PSEN1: variants seen among roughly 807,000 people sequenced by gnomAD.
The protein encoded by PSEN1 is presenilin-1.
In PSEN1, 15 loss-of-function variants were observed where a neutral mutation model predicts 53.5. The observed-to-expected ratio is 0.28, with a 90% CI of 0.19 to 0.43. PSEN1 has a LOEUF of 0.43. PSEN1 is among the 20% of genes least tolerant of loss of function. The probability of loss-of-function intolerance (pLI) is 1.00; values close to 1 mark genes in which losing one functional copy is unlikely to be tolerated. For synonymous variants in PSEN1, 208 were observed against 209.8 expected (o/e 0.99, Z 0.08); for missense variants, 387 against 571.2 (o/e 0.68, Z 3.29).
intron 7 of PSEN1, 65 bp from the exon 8 acceptor site, chr14:73,197,966 A>C: frequency 1.1e-6 from 1 of 877,132 alleles, no homozygotes; most frequent in East Asian, 2.4e-5. Context: ...ATTCCTCCCT[A>C]CCACCCATTT....
intron 8 of PSEN1, among the ~76,000 whole-genome samples, chr14:73,205,202 C>T (rs1225930426): frequency 2.0e-5 from 3 of 151,234 alleles, no homozygotes; most frequent in Non-Finnish European, 4.4e-5. Context: ...CCAGGCCGGG[C>T]GTGGTGGCTC....
intron 1 of PSEN1, among the ~76,000 whole-genome samples, chr14:73,144,188 A>C (rs937678999): frequency 5.3e-5 from 8 of 151,682 alleles, no homozygotes; most frequent in African/African-American, 1.7e-4. Context: ...CTACAGGTGC[A>C]CGTCACCATG....
At chr14:73,143,861 C>A (rs1896992668) in intron 1 of PSEN1, among the ~76,000 whole-genome samples, 2 of 151,780 alleles carry the variant, frequency 1.3e-5, no homozygotes, top group South Asian at 4.2e-4. Flanking sequence ...AAACTAGCCA[C>A]CCATGTAGTC....
At position 73,219,333 on chromosome 14, in the gene PSEN1, T is replaced by C. The variant is rs1376543898; in HGVS notation, c.*44T>C. 2 of 1,571,932 alleles carry C rather than the reference T, an allele frequency of 1.3e-6. No homozygotes were observed. The highest frequency in any genetic ancestry group is 1.7e-6 in the Non-Finnish European group (2 of 1,143,830). ...CCCATGGATGTTTCTTCTTTGACTA[T>C]AACAAAATCTGGGGAGGACAAAGGT... On this transcript the variant is annotated 3_prime_UTR_variant, in exon 12 of 12. Transcript: ENST00000324501.
At position 73,136,558 on chromosome 14, in the gene PSEN1, G is replaced by C. The variant is rs879353108; in HGVS notation, c.-161G>C. 1 of 153,080 alleles carries C rather than the reference G, an allele frequency of 6.5e-6. No individual in the cohort carries two copies. Among genetic ancestry groups the C allele is most frequent in the Non-Finnish European group, 1.5e-5 (1 of 68,376 alleles). The allele number at this position is 153,080 out of a possible 1,614,324, so 9.5% of individuals were successfully genotyped here. A position where few individuals can be genotyped will look rare whatever the true frequency, so the allele number is the denominator to read the frequency against. On this transcript the variant is annotated 5_prime_UTR_variant, in exon 1 of 12. Coordinates refer to ENST00000324501, the MANE Select transcript of PSEN1 (RefSeq NM_000021.4). Reference sequence around the variant, plus strand: ...AGGAACCTGAGCTACGAGCCGCGGCGGCAGCGGGGCGGCGGGGAAGCGTAT... The same window carrying C: ...AGGAACCTGAGCTACGAGCCGCGGCCGCAGCGGGGCGGCGGGGAAGCGTAT...
At chr14:73,156,235 A>G (rs1897350654) in intron 3 of PSEN1, among the ~76,000 whole-genome samples, 1 of 152,054 alleles carries the variant, frequency 6.6e-6, no homozygotes, top group African/African-American at 2.4e-5. Flanking sequence ...ATGTGCCTAT[A>G]GTCCCAGGTA....
intron 7 of PSEN1, among the ~76,000 whole-genome samples, chr14:73,194,472 G>A (rs1336603731): frequency 2.6e-5 from 4 of 151,630 alleles, no homozygotes; most frequent in Non-Finnish European, 5.9e-5. Flanking sequence ...TGTTTCCCAG[G>A]CTTGTCCGGA....
At chr14:73,185,587 AAGAGAGGGAGAGGGAGACCGTGGGGAG>A (rs1276849961) in intron 5 of PSEN1, among the ~76,000 whole-genome samples, 6 of 151,820 alleles carry the variant, frequency 4.0e-5, no homozygotes, top group African/African-American at 1.2e-4. Flanking sequence ...AGACCGTGGA[AAGAGAGGGAGAGGGAGACCGTGGGGAG>A]AGAGAGGGAG....
intron 3 of PSEN1, among the ~76,000 whole-genome samples, chr14:73,154,525 T>C (rs1410796175): frequency 6.6e-6 from 1 of 151,898 alleles, no homozygotes; most frequent in African/African-American, 2.4e-5. Context: ...TGCTTGAGAC[T>C]AGGAGGTCGA....
At chr14:73,181,072 C>T (rs1305246844) in intron 5 of PSEN1, among the ~76,000 whole-genome samples, 1 of 152,176 alleles carries the variant, frequency 6.6e-6, no homozygotes, top group African/African-American at 2.4e-5. Flanking sequence ...GAAAACAATA[C>T]AGATTCCATG....
chr14:73,138,087 G>A (rs1896799246), intron 1 of PSEN1: 1 of 151,204 alleles, frequency 6.6e-6, no homozygotes, highest in Non-Finnish European at 1.5e-5. Flanking sequence ...AAAAAAACCT[G>A]TTTTGTTTTT....
intron 1 of PSEN1, among the ~76,000 whole-genome samples, chr14:73,140,949 T>G (rs1896908881): frequency 1.3e-5 from 2 of 152,202 alleles, no homozygotes; most frequent in South Asian, 2.1e-4. Flanking sequence ...AGTTCTTATT[T>G]GTATGCCTTA....
intron 7 of PSEN1, among the ~76,000 whole-genome samples, chr14:73,193,948 C>T (rs1725530262): frequency 6.6e-6 from 1 of 152,088 alleles, no homozygotes; most frequent in South Asian, 2.1e-4. Context: ...TGAGCCACTG[C>T]ATCTGGCCTC....
intron 10 of PSEN1, among the ~76,000 whole-genome samples, chr14:73,213,416 A>G (rs1440900876): frequency 6.6e-6 from 1 of 152,206 alleles, no homozygotes; most frequent in African/African-American, 2.4e-5. Context: ...ACTTTTAAAA[A>G]AAAAAAAGTG....
At chr14:73,181,732 G>A (rs1029099388) in intron 5 of PSEN1, among the ~76,000 whole-genome samples, 1 of 152,154 alleles carries the variant, frequency 6.6e-6, no homozygotes, top group Non-Finnish European at 1.5e-5. Flanking sequence ...ACGCCTATAC[G>A]TGCAGATAGA....
chr14:73,214,306 G>A (rs776652612), intron 10 of PSEN1, among the ~76,000 whole-genome samples: 6 of 152,032 alleles, frequency 3.9e-5, no homozygotes, highest in African/African-American at 7.3e-5. Flanking sequence ...CAAGGCAGGC[G>A]GACCACCTGA....
chr14:73,199,628 A>G (rs1173739694), intron 8 of PSEN1, among the ~76,000 whole-genome samples: 4 of 152,220 alleles, frequency 2.6e-5, no homozygotes, highest in African/African-American at 9.6e-5. Flanking sequence ...TAGAATTGCT[A>G]AGTCAAAGGA....
chr14:73,199,800 C>T (rs531496532), intron 8 of PSEN1, among the ~76,000 whole-genome samples: 6 of 152,216 alleles, frequency 3.9e-5, no homozygotes, highest in Non-Finnish European at 8.8e-5. Flanking sequence ...GGCTGGAGTG[C>T]AGTGGTGCGA....
Position 73,159,017 on chromosome 14 carries a change from G to T in PSEN1, c.87+10911G>T, listed in dbSNP as rs1458760048. On this transcript the variant is annotated intron_variant, in intron 3 of 11. Coordinates refer to ENST00000324501, the MANE Select transcript of PSEN1 (RefSeq NM_000021.4). The stretch of plus-strand genomic sequence containing the variant: ...GTCATCCTGATATCTTTGGTGACTT[G>T]TCTGTTCAAATCTCTTGCCCATTTA... 2.0e-5 allele frequency among the ~76,000 whole-genome samples: 3 copies of T among 152,196 alleles called. No homozygotes were observed. The East Asian group carries it at 5.8e-4, about 29-fold the overall frequency.
Sources: gnomAD v4.1 joint callset for allele counts (sites outside exome capture counted in the v4.1 genomes callset) on GRCh38, gnomAD v4.1.1 for gene constraint, MANE v1.5 for transcripts, NCBI Gene and HGNC (gene_info 2026-07-23, HGNC 2026-07-21) for gene names.